CCDC144A: variants seen among roughly 807,000 people sequenced by gnomAD.
CCDC144A encodes the protein coiled-coil domain-containing protein 144A.
A neutral mutation model predicts 143.8 loss-of-function variants in CCDC144A; 41 were observed. The ratio of observed to expected loss-of-function variants is 0.29; its 90% confidence interval spans 0.22 to 0.37. CCDC144A has a LOEUF of 0.37. CCDC144A is among the 10% of genes least tolerant of loss of function. CCDC144A has a pLI of 1.00. For missense variants in CCDC144A, 637 were observed against 1,488.8 expected (o/e 0.43, Z 9.41); for synonymous variants, 242 against 517.9 (o/e 0.47, Z 7.23).
At chr17:16,679,001 G>A in the CCDC144A span, among the ~76,000 whole-genome samples, 16 of 151,998 alleles carry the variant, frequency 1.1e-4, no homozygotes, top group African/African-American at 3.4e-4. Context: ...TGATCCGCCC[G>A]CCTCGGCCTT....
the CCDC144A span, among the ~76,000 whole-genome samples, chr17:16,670,993 C>CTT: frequency 6.8e-6 from 1 of 146,792 alleles, no homozygotes; most frequent in African/African-American, 2.5e-5. Context: ...TATATTATCA[C>CTT]TTTTTTTTTT....
At chr17:16,687,722 C>T (rs994475114), upstream of CCDC144A, among the ~76,000 whole-genome samples, 10 of 152,114 alleles carry the variant, frequency 6.6e-5, no homozygotes, top group Non-Finnish European at 1.3e-4. Context: ...TTCCAAAGCT[C>T]GAGTGCCATT....
intron 6 of CCDC144A, among the ~76,000 whole-genome samples, chr17:16,719,084 C>A (rs1912940922): frequency 6.6e-6 from 1 of 151,112 alleles, no homozygotes; most frequent in Non-Finnish European, 1.5e-5. Context: ...TCCACCTCGG[C>A]CTCCCAAAGT....
At chr17:16,714,158 C>G (rs1912608476) in intron 6 of CCDC144A, among the ~76,000 whole-genome samples, 1 of 152,186 alleles carries the variant, frequency 6.6e-6, no homozygotes, top group Non-Finnish European at 1.5e-5. Context: ...GTCTGTTTTG[C>G]TTTCTTCTCA....
intron 12 of CCDC144A, among the ~76,000 whole-genome samples, chr17:16,747,087 G>T (rs1914570409): frequency 6.6e-6 from 1 of 151,950 alleles, no homozygotes; most frequent in Non-Finnish European, 1.5e-5. Context: ...TTTTGTATGT[G>T]GTGATAGCTA....
chr17:16,734,679 T>C lies in CCDC144A; in HGVS notation c.2419-11T>C. 1 of 1,515,390 alleles carries C rather than the reference T, an allele frequency of 6.6e-7. No individual in the cohort carries two copies. Among genetic ancestry groups the C allele is most frequent in the Non-Finnish European group, 8.8e-7 (1 of 1,136,972 alleles). The allele number at this position is 1,515,390 out of a possible 1,614,324, so 93.9% of individuals were successfully genotyped here. On this transcript the variant is annotated splice_polypyrimidine_tract_variant and intron_variant, in intron 11 of 16. Transcript: ENST00000399273. ...TATTGAGTGCTACTGAATGTTTCCT[T>C]TCTTACTTAGATTTCTCATAGGCAT...
At chr17:16,713,173 T>C (rs1389424349) in intron 6 of CCDC144A, among the ~76,000 whole-genome samples, 4 of 152,018 alleles carry the variant, frequency 2.6e-5, no homozygotes, top group African/African-American at 7.3e-5. Flanking sequence ...AGTTAGTAAA[T>C]ATTTTAGGCC....
At chr17:16,677,702 A>C in the CCDC144A span, among the ~76,000 whole-genome samples, 1 of 151,882 alleles carries the variant, frequency 6.6e-6, no homozygotes, top group Admixed American at 6.6e-5. Flanking sequence ...CTGTAATCCC[A>C]GCTACTCAGG....
intron 12 of CCDC144A, among the ~76,000 whole-genome samples, chr17:16,737,138 A>G (rs1451557767): frequency 6.6e-6 from 1 of 151,536 alleles, no homozygotes; most frequent in African/African-American, 2.4e-5. Context: ...GATGTTTTTC[A>G]AAGTATATGA....
the CCDC144A span, among the ~76,000 whole-genome samples, chr17:16,668,622 A>T: frequency 6.6e-6 from 1 of 152,156 alleles, no homozygotes; most frequent in Non-Finnish European, 1.5e-5. Flanking sequence ...AGACTTTAGG[A>T]TATAATGGTC....
the CCDC144A span, among the ~76,000 whole-genome samples, chr17:16,682,617 A>G: frequency 3.3e-5 from 5 of 152,084 alleles, no homozygotes; most frequent in Admixed American, 2.0e-4. Flanking sequence ...AAAAAGGACT[A>G]GGGGTAATTA....
the CCDC144A span, among the ~76,000 whole-genome samples, chr17:16,669,434 A>ATG: frequency 2.6e-5 from 4 of 152,222 alleles, no homozygotes; most frequent in East Asian, 7.7e-4. Flanking sequence ...GGCATTGATA[A>ATG]TGTGTACTTG....
chr17:16,758,406 G>T (rs28541941), intron 12 of CCDC144A, among the ~76,000 whole-genome samples: 441 of 152,208 alleles, frequency 2.9e-3, no homozygotes, highest in African/African-American at 0.01. Flanking sequence ...CCTGGGTTGT[G>T]GTTTCTGCGG....
chr17:16,720,314 T>C (rs2143178773), intron 7 of CCDC144A, 83 bp downstream of exon 7: 1 of 1,506,440 alleles, frequency 6.6e-7, no homozygotes, highest in South Asian at 1.3e-5. Flanking sequence ...ATAAGATGTT[T>C]TGTTGTAAGG....
the CCDC144A span, among the ~76,000 whole-genome samples, chr17:16,673,979 AT>A: frequency 2.6e-5 from 4 of 152,078 alleles, no homozygotes; most frequent in African/African-American, 9.6e-5. Context: ...CAAAATATTT[AT>A]TTTTTTTAAC....
At chr17:16,729,718 C>T (rs991968308) in intron 9 of CCDC144A, among the ~76,000 whole-genome samples, 12 of 151,432 alleles carry the variant, frequency 7.9e-5, no homozygotes, top group African/African-American at 1.2e-4. Context: ...CCACGCCTGG[C>T]TAATTTTGTA....
At chr17:16,682,840 T>C in the CCDC144A span, among the ~76,000 whole-genome samples, 9 of 149,106 alleles carry the variant, frequency 6.0e-5, no homozygotes, top group Non-Finnish European at 1.2e-4. Flanking sequence ...AGAAACCATA[T>C]TGGAGTCCTT....
At position 16,690,608 on chromosome 17, in the gene CCDC144A, G is replaced by A; in HGVS notation, c.208G>A (p.Asp70Asn). Residue 70 changes from aspartate to asparagine, a missense_variant, in exon 1 of 17, where the codon GAC (aspartate) becomes AAC (asparagine). By Grantham distance (23) the Asp-to-Asn change is conservative (BLOSUM62 1). Transcript: ENST00000399273. ...GAGCAAGCACGGTGAGGGCGCCTTA[G>A]ACCAGCCCCAGCACGACGTCCGCCT... ...SESKHGEGAL[D>N]QPQHDVRLED... is the part of the protein sequence containing the mutation. 1 of 1,613,696 alleles carries A rather than the reference G, an allele frequency of 6.2e-7. No homozygotes were observed. Among genetic ancestry groups the A allele is most frequent in the Non-Finnish European group, 8.5e-7 (1 of 1,179,858 alleles).
chr17:16,673,013 T>C, the CCDC144A span, among the ~76,000 whole-genome samples: 2 of 152,286 alleles, frequency 1.3e-5, no homozygotes, highest in Middle Eastern at 6.8e-3. Context: ...AGTTTGAAAT[T>C]ATTCTAGTTT....
Sources: allele counts gnomAD v4.1 joint callset (sites outside exome capture counted in the v4.1 genomes callset), GRCh38; gene constraint gnomAD v4.1.1; transcripts MANE v1.5; gene names NCBI Gene and HGNC (gene_info 2026-07-23, HGNC 2026-07-21).